Variants in SYTL2 observed in about 807,000 individuals in gnomAD.
SYTL2 encodes synaptotagmin-like protein 2.
A neutral mutation model predicts 198.7 loss-of-function variants in SYTL2; 165 were observed. That is an observed-to-expected ratio of 0.83 (90% confidence interval 0.73 to 0.94). The LOEUF is 0.94. Among genes scored for constraint, SYTL2 ranks in the 40% least tolerant of loss-of-function variants. The pLI is 0.00. For synonymous variants in SYTL2, 966 were observed against 917.7 expected, an observed-to-expected ratio of 1.05 and a Z score of -0.95; for missense variants, 2,835 against 2,582.8, an observed-to-expected ratio of 1.10 and a Z score of -2.12.
At chr11:85,801,788 T>C (rs986045440) in intron 1 of SYTL2, among the ~76,000 whole-genome samples, 1 of 151,330 alleles carries the variant, frequency 6.6e-6, no homozygotes, top group African/African-American at 2.4e-5. Context: ...AATTTACCTG[T>C]CCTGTGTGCC....
intron 18 of SYTL2, among the ~76,000 whole-genome samples, chr11:85,697,507 C>A (rs2083571481): frequency 6.6e-6 from 1 of 152,124 alleles, no homozygotes; most frequent in Non-Finnish European, 1.5e-5. Context: ...CACTTAAAAA[C>A]CCAAACTGTC....
intron 1 of SYTL2, among the ~76,000 whole-genome samples, chr11:85,773,342 C>A (rs575406476): frequency 6.6e-6 from 1 of 152,334 alleles, no homozygotes; most frequent in African/African-American, 2.4e-5. Flanking sequence ...GAAGTTAGTT[C>A]TTTAAACTTA....
At chr11:85,847,153 C>G in the SYTL2 span, among the ~76,000 whole-genome samples, 2 of 152,150 alleles carry the variant, frequency 1.3e-5, no homozygotes, top group African/African-American at 4.8e-5. Flanking sequence ...GTAACCACCA[C>G]CACAATCAAG....
At chr11:85,757,346 G>A (rs939866591) in intron 2 of SYTL2, among the ~76,000 whole-genome samples, 2 of 151,904 alleles carry the variant, frequency 1.3e-5, no homozygotes, top group Non-Finnish European at 2.9e-5. Context: ...AGATGTATGT[G>A]GTTGTATACA....
At chr11:85,806,772 A>T (rs1054384037) in intron 1 of SYTL2, among the ~76,000 whole-genome samples, 3 of 152,240 alleles carry the variant, frequency 2.0e-5, no homozygotes, top group Non-Finnish European at 2.9e-5. Flanking sequence ...TTGGGAAACC[A>T]TGAATAGAAA....
chr11:85,814,198 A>G (rs2093058889), upstream of SYTL2, among the ~76,000 whole-genome samples: 1 of 152,118 alleles, frequency 6.6e-6, no homozygotes, highest in Non-Finnish European at 1.5e-5. Context: ...GGAAAGAATA[A>G]TCTCCATGCC....
the SYTL2 span, among the ~76,000 whole-genome samples, chr11:85,837,439 G>T: frequency 6.6e-6 from 1 of 152,186 alleles, no homozygotes; most frequent in African/African-American, 2.4e-5. Context: ...CCCAAGTCAG[G>T]AAGAAAACCC....
Position 85,718,792 on chromosome 11 carries a change from T to A in SYTL2, c.5480A>T (p.Asp1827Val), listed in dbSNP as rs2153449554. Residue 1827 changes from aspartate (D) to valine (V), a missense_variant and splice_region_variant, in exon 10 of 20, where the codon GAT becomes GTT. Around this residue, in one of 3 missense-constraint regions of SYTL2, gnomAD observed 2,645 missense variants for 2,381.7 expected, o/e 1.11. Coordinates refer to ENST00000359152, the MANE Select transcript of SYTL2 (RefSeq NM_206927.4). The stretch of plus-strand genomic sequence containing the variant: ...CGCAAATACATAAAGATATTTACCA[T>A]CTTCAGCACTACGCACTAATTCTTC... ...QPEELVRSAE[D>V]DEKPDQKPVT... The A allele has an allele frequency of 6.2e-7, 1 of 1,613,554 alleles. No homozygotes were observed. The highest frequency in any genetic ancestry group is 8.5e-7 in the Non-Finnish European group (1 of 1,179,610).
Position 85,734,494 on chromosome 11 carries a change from T to G in SYTL2, c.835A>C (p.Ser279Arg). 1 of 1,614,236 alleles carries G rather than the reference T, an allele frequency of 6.2e-7. No homozygotes were observed. The highest frequency in any genetic ancestry group is 1.3e-5 in the African/African-American group (1 of 75,062). ...APRGILKRNS[S>R]SSSTDSETLR... ...GTTTCTGAGTCTGTGCTACTGGAAC[T>G]GGAGTTGCGCTTGAGGATCCCTCTC... Residue 279 changes from serine to arginine, a missense_variant, in exon 7 of 20, where the codon AGT becomes CGT. Ser to Arg is a moderately radical substitution (Grantham distance 110). This residue lies in a region of SYTL2 where 2,645 missense variants were observed against 2,381.7 expected (regional missense o/e 1.11). Transcript: ENST00000359152.
At position 85,725,334 on chromosome 11, in the gene SYTL2, G is replaced by T; in HGVS notation, c.4024C>A (p.Gln1342Lys). Residue 1342 changes from glutamine (Q) to lysine (K), a missense_variant, in exon 8 of 20, where the codon CAG becomes AAG. By Grantham distance (53) the Gln-to-Lys change is moderately conservative. This residue lies in a region of SYTL2 where 2,645 missense variants were observed against 2,381.7 expected (regional missense o/e 1.11). Transcript: ENST00000359152. Reference sequence around the variant, plus strand: ...GTTTGAGAAGGGTGTACCCTAGCCTGGGGAACAAGATGAGCATCCTGGGGA... The same window carrying T: ...GTTTGAGAAGGGTGTACCCTAGCCTTGGGAACAAGATGAGCATCCTGGGGA... ...LFPQDAHLVPQARVHPSQTEI... is the reference protein window; with the variant it reads ...LFPQDAHLVPKARVHPSQTEI... 3.1e-6 allele frequency: 5 copies of T among 1,613,940 alleles called. No individual in the cohort carries two copies. The highest frequency in any genetic ancestry group is 4.2e-6 in the Non-Finnish European group (5 of 1,179,902).
chr11:85,849,437 G>A, the SYTL2 span, among the ~76,000 whole-genome samples: 18 of 152,298 alleles, frequency 1.2e-4, no homozygotes, highest in South Asian at 3.5e-3. Flanking sequence ...TAACGTTTAA[G>A]TCTTTAATCC....
chr11:85,816,883 T>C, the SYTL2 span, among the ~76,000 whole-genome samples: 1 of 132,198 alleles, frequency 7.6e-6, no homozygotes, highest in African/African-American at 2.9e-5. Context: ...CACTAAACTT[T>C]CCAGCCTGGG....
chr11:85,769,363 G>A (rs2092309589), intron 1 of SYTL2, among the ~76,000 whole-genome samples: 1 of 152,190 alleles, frequency 6.6e-6, no homozygotes, highest in African/African-American at 2.4e-5. Context: ...GGCTGAAAAT[G>A]TTGGAGTGAT....
chr11:85,817,902 C>CTTTTTTTT, the SYTL2 span, among the ~76,000 whole-genome samples: 3 of 109,912 alleles, frequency 2.7e-5, no homozygotes, highest in Admixed American at 9.4e-5. Flanking sequence ...TGTGTCTTTT[C>CTTTTTTTT]TTTTTTTTTT....
At chr11:85,804,009 A>G (rs2092925449) in intron 1 of SYTL2, among the ~76,000 whole-genome samples, 1 of 152,354 alleles carries the variant, frequency 6.6e-6, no homozygotes, top group South Asian at 2.1e-4. Context: ...TGCTTTTCTA[A>G]GTAAAGGACT....
At chr11:85,834,668 A>C in the SYTL2 span, among the ~76,000 whole-genome samples, 1 of 152,320 alleles carries the variant, frequency 6.6e-6, no homozygotes, top group Admixed American at 6.5e-5. Context: ...ATTTTGCCCA[A>C]CTGCAAGCTA....
intron 2 of SYTL2, among the ~76,000 whole-genome samples, chr11:85,757,353 T>A (rs1477172045): frequency 6.6e-6 from 1 of 152,240 alleles, no homozygotes; most frequent in Non-Finnish European, 1.5e-5. Context: ...TGTGGTTGTA[T>A]ACATTTCATT....
the SYTL2 span, among the ~76,000 whole-genome samples, chr11:85,831,829 T>A: frequency 6.6e-6 from 1 of 152,106 alleles, no homozygotes; most frequent in African/African-American, 2.4e-5. Context: ...AAGCTAAACA[T>A]AAGGAACAAA....
At chr11:85,794,677 A>G (rs1021581715) in intron 1 of SYTL2, among the ~76,000 whole-genome samples, 2 of 152,082 alleles carry the variant, frequency 1.3e-5, no homozygotes, top group Non-Finnish European at 2.9e-5. Context: ...GATTTCTGCT[A>G]TTTGTCTGGT....
Sources: allele counts gnomAD v4.1 joint callset (sites outside exome capture counted in the v4.1 genomes callset), GRCh38; gene constraint gnomAD v4.1.1; regional missense constraint gnomAD v4.1.1; transcripts MANE v1.5; gene names NCBI Gene and HGNC (gene_info 2026-07-23, HGNC 2026-07-21).